Variants in CDAN1 observed in about 807,000 individuals in gnomAD.
CDAN1 encodes the protein codanin-1.
Under a neutral mutation model 139.8 loss-of-function variants are expected in CDAN1, and 107 were observed. The observed-to-expected ratio is 0.77, with a 90% CI of 0.65 to 0.90. The LOEUF (loss-of-function observed/expected upper bound fraction) is 0.90, where lower values mean the gene tolerates loss of function less well. CDAN1 is among the 40% of genes least tolerant of loss of function. The probability of loss-of-function intolerance (pLI) is 0.00; values close to 1 mark genes in which losing one functional copy is unlikely to be tolerated. For synonymous variants in CDAN1, 776 were observed against 660.6 expected, an observed-to-expected ratio of 1.17 and a Z score of -2.68; for missense variants, 1,667 against 1,575.7, an observed-to-expected ratio of 1.06 and a Z score of -0.98.
At chr15:42,729,922 A>ACGGCCCCCCCCCCCCC in intron 15 of CDAN1, 37 bp from the exon 16 acceptor site, 3 of 1,513,124 alleles carry the variant, frequency 2.0e-6, no homozygotes, top group Non-Finnish European at 2.7e-6. Context: ...AACTTCAGAG[A>ACGGCCCCCCCCCCCCC]CCCCCACCCA....
At chr15:42,732,464 T>C (rs912486826) in intron 9 of CDAN1, 56 bp from the exon 10 acceptor site, 3 of 1,533,180 alleles carry the variant, frequency 2.0e-6, no homozygotes, top group East Asian at 4.5e-5. Context: ...GGGAGAAAGA[T>C]CTGAGAGAAG....
chr15:42,736,510 T>C lies in CDAN1; in HGVS notation c.361A>G (p.Arg121Gly). 1 of 1,418,184 alleles carries C rather than the reference T, an allele frequency of 7.1e-7. No individual in the cohort carries two copies. Among genetic ancestry groups the C allele is most frequent in the Non-Finnish European group, 9.1e-7 (1 of 1,093,514 alleles). 87.9% of individuals were successfully genotyped at this position (1,418,184 alleles called of 1,614,324 possible). ...CGGGCCGGCCCCGGGCCCCGCCTCC[T>C]GCCCCCGCGGCGGGCCAGAGGGGCC... ...AEAPLARRGGRRRGPGPARER... is the reference protein window; with the variant it reads ...AEAPLARRGGGRRGPGPARER... Residue 121 changes from arginine to glycine, a missense_variant, in exon 2 of 28, where the codon AGG (arginine) becomes GGG (glycine). Arg to Gly is a moderately radical substitution (Grantham distance 125). Transcript: ENST00000356231.
At chr15:42,728,593 G>A in intron 20 of CDAN1, 59 bp downstream of exon 20, 1 of 1,602,750 alleles carries the variant, frequency 6.2e-7, no homozygotes, top group Non-Finnish European at 8.5e-7. Context: ...TGTGAAGGAG[G>A]AAAGAAAGGA....
intron 22 of CDAN1, 52 bp from the exon 23 acceptor site, chr15:42,727,821 G>T (rs773569544): frequency 6.2e-7 from 1 of 1,611,760 alleles, no homozygotes; most frequent in South Asian, 1.1e-5. Flanking sequence ...CCCTGCACAG[G>T]TTCACCATGC....
chr15:42,726,000 AG>A (rs1491173269), intron 25 of CDAN1, 96 bp downstream of exon 25: 2 of 823,406 alleles, frequency 2.4e-6, no homozygotes, highest in Non-Finnish European at 4.0e-6. Context: ...AAAAAAAAAA[AG>A]GGACAGAAGA....
At chr15:42,733,277 C>CCTTTTCCT (rs1491221380) in intron 8 of CDAN1, 91 bp from the exon 9 acceptor site, 2 of 1,053,264 alleles carry the variant, frequency 1.9e-6, no homozygotes, top group Middle Eastern at 2.0e-4. Flanking sequence ...CCACCCACCA[C>CCTTTTCCT]CTTTTTTTTT....
Position 42,735,554 on chromosome 15 carries a change from T to C in CDAN1, c.899A>G (p.Gln300Arg), listed in dbSNP as rs2061676388. 1 of 1,614,198 alleles carries C rather than the reference T, an allele frequency of 6.2e-7. No homozygotes were observed. Among genetic ancestry groups the C allele is most frequent in the African/African-American group, 1.3e-5 (1 of 75,034 alleles). The stretch of plus-strand genomic sequence containing the variant: ...AACAAGGGCTACAAGCTCCAGGCGC[T>C]GGCGGGAAGACACTCTGGCAGGGTC... ...PADPARVSSR[Q>R]RLELVALVYS... The change falls in exon 4 of 28, where the codon CAG (glutamine) becomes CGG (arginine). Residue 300 changes from glutamine (Q) to arginine (R), a missense_variant. Coordinates refer to ENST00000356231, the MANE Select transcript of CDAN1 (RefSeq NM_138477.4).
intron 10 of CDAN1, 46 bp downstream of exon 10, chr15:42,732,287 G>A: frequency 6.4e-7 from 1 of 1,560,340 alleles, no homozygotes; most frequent in Admixed American, 1.7e-5. Context: ...GGCTGCCTGT[G>A]ATGCCTGCTG....
intron 27 of CDAN1, chr15:42,724,832 G>A (rs2061501491): frequency 1.6e-6 from 1 of 637,374 alleles, no homozygotes; most frequent in East Asian, 2.8e-5. Flanking sequence ...GGCTTGACCA[G>A]TTTTTGAGTA....
In CDAN1 at chr15:42,735,484, C is replaced by T. The variant is rs530428511; in HGVS notation, c.943+26G>A. The T allele has an allele frequency of 6.4e-5, 104 of 1,612,972 alleles. No individual in the cohort carries two copies. In the South Asian group the frequency reaches 1.0e-3, roughly 16 times the overall value. On this transcript the variant is annotated intron_variant, in intron 4 of 27. Coordinates refer to ENST00000356231, the MANE Select transcript of CDAN1 (RefSeq NM_138477.4). The stretch of plus-strand genomic sequence containing the variant: ...CCCATAAGTTCTACAAGTGTCTCCA[C>T]TCCCGCTCCCTCCGCTCTCACTCAC...
chr15:42,732,635 AC>A (rs1478909846), intron 9 of CDAN1, among the ~76,000 whole-genome samples: 1 of 151,560 alleles, frequency 6.6e-6, no homozygotes, highest in Non-Finnish European at 1.5e-5. Flanking sequence ...ATGCGACCAC[AC>A]CCCCCGACCG....
In CDAN1 at chr15:42,735,348, C is replaced by A; in HGVS notation, c.970G>T (p.Glu324Ter). ...AGGAGCTGAAAGACGAAGAAAAGCT[C>A]CAAGAAGAGGTTTGGTACCAGGTTC... ...AENLVPNLFL[E>*]LFFVFQLLTA... The change falls in exon 5 of 28, where the codon GAG (glutamate) becomes TAG (stop). Residue 324 changes from glutamate (E) to a stop codon, truncating the protein, a stop_gained. Coordinates refer to ENST00000356231, the MANE Select transcript of CDAN1 (RefSeq NM_138477.4). LOFTEE classifies it high-confidence loss of function. 6.2e-7 allele frequency: 1 copy of A among 1,608,270 alleles called. No individual in the cohort carries two copies. Among genetic ancestry groups the A allele is most frequent in the South Asian group, 1.1e-5 (1 of 89,740 alleles).
chr15:42,729,385 C>T (rs200517134), intron 17 of CDAN1, 23 bp from the exon 18 acceptor site: 3 of 1,614,016 alleles, frequency 1.9e-6, no homozygotes, highest in South Asian at 2.2e-5. Flanking sequence ...AGTCCAAGTT[C>T]TCAGTTCCAG....
intron 14 of CDAN1, 129 bp from the exon 15 acceptor site, chr15:42,730,344 T>TC (rs1185866008): frequency 3.1e-6 from 3 of 971,800 alleles, no homozygotes; most frequent in South Asian, 1.3e-5. Context: ...GCAAGCAGGA[T>TC]CCCCCCAGCC....
Position 42,731,653 on chromosome 15 carries a change from C to T in CDAN1, c.1706G>A (p.Gly569Asp), listed in dbSNP as rs373357147. 14 of 1,614,026 alleles carry T rather than the reference C, an allele frequency of 8.7e-6. No homozygotes were observed. The highest frequency in any genetic ancestry group is 1.7e-6 in the Non-Finnish European group (2 of 1,180,018). The change falls in exon 11 of 28, where the codon GGC becomes GAC. Residue 569 changes from glycine (G) to aspartate (D), a missense_variant. Transcript: ENST00000356231. ...ACTAAGGATGAAGTCCCTAAAGAAG[C>T]CTTGACAGCCTGGGAAGGTGGGGGG... ...CPPPTFPGCQ[G>D]FFRDFILSAS...
At position 42,735,910 on chromosome 15, in the gene CDAN1, A is replaced by C; in HGVS notation, c.738T>G (p.Ser246Arg). The C allele has an allele frequency of 6.2e-7, 1 of 1,614,048 alleles. No homozygotes were observed. Among genetic ancestry groups the C allele is most frequent in the Non-Finnish European group, 8.5e-7 (1 of 1,179,998 alleles). ...WGLGLPPGCR[S>R]LQEEREMLRK... is the part of the protein sequence containing the mutation. ...TGAGCATCTCTCGCTCCTCTTGCAG[A>C]CTTCTGCACCCTGGGGGAAGGCCAA... The change falls in exon 3 of 28, where the codon AGT becomes AGG. Residue 246 changes from serine (S) to arginine (R), a missense_variant. This residue lies in a region of CDAN1 where 487 missense variants were observed against 422.2 expected (regional missense o/e 1.15). Coordinates refer to ENST00000356231, the MANE Select transcript of CDAN1 (RefSeq NM_138477.4).
intron 9 of CDAN1, among the ~76,000 whole-genome samples, chr15:42,732,645 C>A (rs572196512): frequency 6.6e-6 from 1 of 152,162 alleles, no homozygotes; most frequent in African/African-American, 2.4e-5. Context: ...ACCCCCCGAC[C>A]GTCTTCAGCC....
chr15:42,726,875 C>G (rs903481976), intron 23 of CDAN1: 1 of 189,522 alleles, frequency 5.3e-6, no homozygotes, highest in South Asian at 1.1e-4. Flanking sequence ...GCCACTAAGC[C>G]TCTTCCTCTC....
intron 4 of CDAN1, 26 bp from the exon 5 acceptor site, chr15:42,735,400 A>G (rs768229409): frequency 1.9e-6 from 3 of 1,593,710 alleles, no homozygotes; most frequent in African/African-American, 1.3e-5. Context: ...AAGAAAGCCC[A>G]TGGTATGGGC....
Sources: gnomAD v4.1 joint callset for allele counts (sites outside exome capture counted in the v4.1 genomes callset) on GRCh38, gnomAD v4.1.1 for gene constraint, gnomAD v4.1.1 regional missense constraint, MANE v1.5 for transcripts, NCBI Gene and HGNC (gene_info 2026-07-23, HGNC 2026-07-21) for gene names.